The following NPAS2 variants were observed in gnomAD, a reference collection of about 807,000 sequenced individuals.
NPAS2 encodes the protein neuronal PAS domain protein 2, also known as neuronal PAS domain-containing protein 2.
A neutral mutation model predicts 107.5 loss-of-function variants in NPAS2; 23 were observed. That is an observed-to-expected ratio of 0.21 (90% CI 0.15 to 0.30). The LOEUF is 0.30. NPAS2 is among the 10% of genes least tolerant of loss of function. The pLI is 1.00. For synonymous variants in NPAS2, 403 were observed against 417.5 expected, an observed-to-expected ratio of 0.97 and a Z score of 0.42; for missense variants, 756 against 1,043.3, an observed-to-expected ratio of 0.72 and a Z score of 3.79.
At chr2:100,929,772 C>A (rs998361218) in intron 3 of NPAS2, among the ~76,000 whole-genome samples, 1 of 152,108 alleles carries the variant, frequency 6.6e-6, no homozygotes, top group South Asian at 2.1e-4. Flanking sequence ...TTTTAAGGCC[C>A]CCAGGTGATT....
At chr2:100,898,301 C>T (rs982305315) in intron 1 of NPAS2, among the ~76,000 whole-genome samples, 2 of 152,132 alleles carry the variant, frequency 1.3e-5, no homozygotes, top group Non-Finnish European at 1.5e-5. Flanking sequence ...AATCCTCATG[C>T]CCCAACCTCC....
intron 7 of NPAS2, among the ~76,000 whole-genome samples, chr2:100,961,915 A>G (rs1319067473): frequency 6.6e-6 from 1 of 152,242 alleles, no homozygotes; most frequent in African/African-American, 2.4e-5. Flanking sequence ...GTATTCTGAA[A>G]GAGTCAGAAT....
At position 100,987,977 on chromosome 2, in the gene NPAS2, C is replaced by T. The variant is rs549540790; in HGVS notation, c.1630-102C>T. ...GTAAATGAACTATTTCTAGGCAGCT[C>T]AGAGCAAGAAAGTTCTTACTGGCAC... On this transcript the variant is annotated intron_variant, in intron 16 of 20. Transcript: ENST00000335681. 32 of 1,261,446 alleles carry T rather than the reference C, an allele frequency of 2.5e-5. No homozygotes were observed. In the South Asian group the frequency reaches 4.0e-4, roughly 16 times the overall value. The allele number at this position is 1,261,446 out of a possible 1,614,324, so 78.1% of individuals were successfully genotyped here. A position where few individuals can be genotyped will look rare whatever the true frequency, so the allele number is the denominator to read the frequency against.
chr2:100,837,444 C>G (rs1558793755), intron 1 of NPAS2, among the ~76,000 whole-genome samples: 1 of 152,132 alleles, frequency 6.6e-6, no homozygotes, highest in Admixed American at 6.5e-5. Flanking sequence ...TGCGCCATCA[C>G]GTCCAGCTAA....
At chr2:100,819,767 T>C (rs531784219), upstream of NPAS2, among the ~76,000 whole-genome samples, 11 of 149,376 alleles carry the variant, frequency 7.4e-5, 1 homozygote, top group South Asian at 1.9e-3. The surrounding 1 kb of genome is among the most constrained non-coding windows in gnomAD (Gnocchi z 5.8). Context: ...GCCTCTCCTC[T>C]GGGCCGGCTC....
chr2:100,818,739 G>A (rs1234526163), upstream of NPAS2, among the ~76,000 whole-genome samples: 1 of 152,238 alleles, frequency 6.6e-6, no homozygotes, highest in Admixed American at 6.5e-5. Flanking sequence ...CGGAATGTAA[G>A]AGGGACGGAG....
At chr2:100,920,533 C>T (rs1220710301) in intron 2 of NPAS2, among the ~76,000 whole-genome samples, 1 of 152,098 alleles carries the variant, frequency 6.6e-6, no homozygotes, top group Non-Finnish European at 1.5e-5. Context: ...TGCTCAATCC[C>T]CTACTATGTG....
rs771644071 is a variant in NPAS2 at position 100,990,883 on chromosome 2, C to T, written c.2111+11C>T. 7.4e-6 allele frequency: 12 copies of T among 1,612,912 alleles called. No homozygotes were observed. The highest frequency in any genetic ancestry group is 6.6e-5 in the South Asian group (6 of 91,038). On this transcript the variant is annotated intron_variant, in intron 19 of 20. Transcript: ENST00000335681. ...GGGACGGCAAGTCAAGTACGTGGAC[C>T]CTGGCGGGAGGCAGGAGGCAAGCGC...
In NPAS2 at chr2:100,904,717, T is replaced by TC. The variant is rs1289213785; in HGVS notation, c.-22-16_-22-15insC. 2 of 1,527,422 alleles carry TC rather than the reference T, an allele frequency of 1.3e-6. No individual in the cohort carries two copies. Among genetic ancestry groups the TC allele is most frequent in the East Asian group, 4.5e-5 (2 of 44,290 alleles). 94.6% of individuals were successfully genotyped at this position (1,527,422 alleles called of 1,614,324 possible). ...TAATTATCCATTCTTTTTAATTTTTTTTTTTTTTTTTGCAGGAAAAACTGC... is the reference window on the plus strand; with the variant it reads ...TAATTATCCATTCTTTTTAATTTTTTCTTTTTTTTTTTGCAGGAAAAACTGC... On this transcript the variant is annotated splice_polypyrimidine_tract_variant and intron_variant, in intron 1 of 20. Transcript: ENST00000335681.
In NPAS2 at chr2:100,968,116, T is replaced by C. The variant is rs1024729217; in HGVS notation, c.908-165T>C. 2.0e-5 allele frequency among the ~76,000 whole-genome samples: 3 copies of C among 152,196 alleles called. No individual in the cohort carries two copies. Among genetic ancestry groups the C allele is most frequent in the African/African-American group, 7.2e-5 (3 of 41,456 alleles). ...TCCACTGTTTAAGAATTCACGACAGTGTACCGTGATCCTGACAGTCACTTA... is the reference window on the plus strand; with the variant it reads ...TCCACTGTTTAAGAATTCACGACAGCGTACCGTGATCCTGACAGTCACTTA... On this transcript the variant is annotated intron_variant, in intron 10 of 20. Transcript: ENST00000335681. This position sits in a 1 kb window ranked among gnomAD's most constrained non-coding sequence, Gnocchi z 5.3.
intron 17 of NPAS2, 126 bp downstream of exon 17, chr2:100,988,402 G>A (rs1376003454): frequency 1.0e-5 from 8 of 785,908 alleles, no homozygotes; most frequent in Non-Finnish European, 1.7e-5. Flanking sequence ...GTTATGGACT[G>A]AGGGTAGATT....
chr2:100,975,528 G>C lies in NPAS2; in HGVS notation c.1353G>C (p.Glu451Asp). ...CAAGATCAGCCACCCTGCCCCAAGA[G>C]TTACCTGTCCCCGGGCTCAGCCAGG... ...ALPRSATLPQ[E>D]LPVPGLSQAA... is the part of the protein sequence containing the mutation. Residue 451 changes from glutamate (E) to aspartate (D), a missense_variant, in exon 14 of 21, where the codon GAG becomes GAC. By Grantham distance (45) the Glu-to-Asp change is conservative. Around this residue, in one of 4 missense-constraint regions of NPAS2, gnomAD observed 496 missense variants for 594.4 expected, o/e 0.83. Transcript: ENST00000335681. The C allele has an allele frequency of 6.2e-7, 1 of 1,612,622 alleles. No homozygotes were observed. Among genetic ancestry groups the C allele is most frequent in the East Asian group, 2.2e-5 (1 of 44,728 alleles).
chr2:100,953,305 C>T lies in NPAS2; in HGVS notation c.598+3825C>T, dbSNP rs192482030. Among the ~76,000 whole-genome samples the T allele has an allele frequency of 1.8e-3, 262 of 148,696 alleles. 1 individual carries two copies. The highest frequency in any genetic ancestry group is 6.4e-3 in the African/African-American group (257 of 40,160). On this transcript the variant is annotated intron_variant, in intron 7 of 20. Transcript: ENST00000335681. ...AGGAGAATGGCTTGAACCCGGGAGG[C>T]GGAGGTTACAGTGAGTCGAGATCAC...
intron 1 of NPAS2, among the ~76,000 whole-genome samples, chr2:100,821,656 G>C (rs1676079459): frequency 6.6e-6 from 1 of 152,118 alleles, no homozygotes; most frequent in Admixed American, 6.6e-5. Flanking sequence ...ACTGTAGCTT[G>C]GTCCCCATCA....
intron 7 of NPAS2, among the ~76,000 whole-genome samples, chr2:100,958,400 C>G (rs535500292): frequency 1.3e-5 from 2 of 152,304 alleles, no homozygotes; most frequent in Middle Eastern, 6.8e-3. Flanking sequence ...CGCCAGACCT[C>G]ACTGGGAATG....
rs1006368367 is a variant in NPAS2, at chr2:100,996,725, G to T, written c.*1143G>T. 4 of 152,596 alleles carry T rather than the reference G, an allele frequency of 2.6e-5. No homozygotes were observed. The highest frequency in any genetic ancestry group is 9.6e-5 in the African/African-American group (4 of 41,530). The allele number at this position is 152,596 out of a possible 1,614,324, so 9.5% of individuals were successfully genotyped here. A position where few individuals can be genotyped will look rare whatever the true frequency, so the allele number is the denominator to read the frequency against. On this transcript the variant is annotated 3_prime_UTR_variant, in exon 21 of 21. Transcript: ENST00000335681. Reference sequence around the variant, plus strand: ...GTATGGCTTATGTGTAAATTATTTTGTATCTGAGATACCAGTTCCTTTTCC... The same window carrying T: ...GTATGGCTTATGTGTAAATTATTTTTTATCTGAGATACCAGTTCCTTTTCC...
intron 1 of NPAS2, among the ~76,000 whole-genome samples, chr2:100,827,812 T>C (rs1172976871): frequency 6.6e-6 from 1 of 152,220 alleles, no homozygotes. Flanking sequence ...GTTGATTCCA[T>C]GTCCAGTAGA....
intron 7 of NPAS2, among the ~76,000 whole-genome samples, chr2:100,954,824 T>C (rs1675468208): frequency 6.6e-6 from 1 of 151,862 alleles, no homozygotes; most frequent in Admixed American, 6.6e-5. Context: ...AGGTAATATG[T>C]GTAGAAGAAA....
At chr2:100,970,203 G>A (rs1676456958) in intron 11 of NPAS2, among the ~76,000 whole-genome samples, 1 of 152,126 alleles carries the variant, frequency 6.6e-6, no homozygotes, top group Admixed American at 6.5e-5. Flanking sequence ...CTGCCCAAGG[G>A]CCCCCTACCC....
Sources: gnomAD v4.1 joint callset for allele counts (sites outside exome capture counted in the v4.1 genomes callset) on GRCh38, gnomAD v4.1.1 for gene constraint, gnomAD v4.1.1 regional missense constraint, Gnocchi (gnomAD v3.1) non-coding constraint, MANE v1.5 for transcripts, NCBI Gene and HGNC (gene_info 2026-07-23, HGNC 2026-07-21) for gene names.